Variants in SCHIP1 observed in about 807,000 individuals in gnomAD.
The protein encoded by SCHIP1 is schwannomin-interacting protein 1.
In SCHIP1, 8 loss-of-function variants were observed where a neutral mutation model predicts 29.7. That is an observed-to-expected ratio of 0.27 (90% CI 0.16 to 0.49). The LOEUF (loss-of-function observed/expected upper bound fraction) is 0.49, where lower values mean the gene tolerates loss of function less well. Among genes scored for constraint, SCHIP1 ranks in the 20% least tolerant of loss-of-function variants. SCHIP1 has a pLI of 0.99. For missense variants in SCHIP1, 193 were observed against 294.6 expected, an observed-to-expected ratio of 0.66 and a Z score of 2.52; for synonymous variants, 76 against 94.9, an observed-to-expected ratio of 0.80 and a Z score of 1.16.
the SCHIP1 span, among the ~76,000 whole-genome samples, chr3:159,813,879 A>C: frequency 6.6e-6 from 1 of 152,214 alleles, no homozygotes; most frequent in Non-Finnish European, 1.5e-5. Flanking sequence ...GCTAGGGTTA[A>C]TATAATGGAG....
chr3:159,831,272 T>G, the SCHIP1 span, among the ~76,000 whole-genome samples: 1 of 152,184 alleles, frequency 6.6e-6, no homozygotes, highest in Non-Finnish European at 1.5e-5. Flanking sequence ...CTTTAGTCTT[T>G]TCATCCCTTT....
chr3:159,856,332 T>C (rs1713362849), intron 1 of SCHIP1, among the ~76,000 whole-genome samples: 1 of 152,146 alleles, frequency 6.6e-6, no homozygotes, highest in Non-Finnish European at 1.5e-5. Context: ...AGGAACAAAC[T>C]ACATGGAACT....
At chr3:159,781,814 C>T in the SCHIP1 span, among the ~76,000 whole-genome samples, 1 of 152,140 alleles carries the variant, frequency 6.6e-6, no homozygotes, top group African/African-American at 2.4e-5. Context: ...ACTTGTCATC[C>T]CTTCCCAGGA....
At chr3:159,510,918 G>C in the SCHIP1 span, among the ~76,000 whole-genome samples, 1 of 152,234 alleles carries the variant, frequency 6.6e-6, no homozygotes, top group East Asian at 1.9e-4. Context: ...AGGGGTCAGT[G>C]ACCCACTTGA....
chr3:159,449,459 A>C, the SCHIP1 span, among the ~76,000 whole-genome samples: 1 of 152,324 alleles, frequency 6.6e-6, no homozygotes, highest in South Asian at 2.1e-4. Flanking sequence ...GAGGCTCAGG[A>C]TTCCAATAGG....
chr3:159,844,745 T>C (rs1711556954), intron 1 of SCHIP1, among the ~76,000 whole-genome samples: 1 of 152,240 alleles, frequency 6.6e-6, no homozygotes, highest in Non-Finnish European at 1.5e-5. Context: ...TTTCCCTCTT[T>C]CCTGGAGTGG....
chr3:159,431,476 T>A, the SCHIP1 span, among the ~76,000 whole-genome samples: 1 of 152,120 alleles, frequency 6.6e-6, no homozygotes, highest in Admixed American at 6.5e-5. Context: ...GGTGTTTATA[T>A]GTTTGTAAGC....
the SCHIP1 span, among the ~76,000 whole-genome samples, chr3:159,452,547 T>A: frequency 1.3e-4 from 20 of 152,346 alleles, no homozygotes; most frequent in South Asian, 1.0e-3. Context: ...ATCCAGCCTA[T>A]CATTGATGGG....
chr3:159,648,834 T>C, the SCHIP1 span, among the ~76,000 whole-genome samples: 4 of 152,036 alleles, frequency 2.6e-5, no homozygotes, highest in Admixed American at 6.6e-5. Flanking sequence ...CAAGTAACAC[T>C]GTTCACGGCC....
At chr3:159,713,642 C>T in the SCHIP1 span, among the ~76,000 whole-genome samples, 1 of 152,200 alleles carries the variant, frequency 6.6e-6, no homozygotes, top group Non-Finnish European at 1.5e-5. Context: ...GAAGTTGAAT[C>T]TGCTAGAAGC....
At chr3:159,692,861 T>C in the SCHIP1 span, among the ~76,000 whole-genome samples, 3 of 152,224 alleles carry the variant, frequency 2.0e-5, no homozygotes, top group Non-Finnish European at 2.9e-5. Context: ...AAATATTTGT[T>C]GGAACGAAAT....
chr3:159,604,903 C>A, the SCHIP1 span, among the ~76,000 whole-genome samples: 5,770 of 152,270 alleles, frequency 0.038, 269 homozygotes, highest in East Asian at 0.17. Context: ...TCAGCCATAA[C>A]CTCACGCCAC....
chr3:159,646,186 A>T, the SCHIP1 span, among the ~76,000 whole-genome samples: 26 of 152,046 alleles, frequency 1.7e-4, no homozygotes, highest in Admixed American at 1.7e-3. Context: ...GCATCTCACC[A>T]CTCTCCACCT....
At chr3:159,601,268 T>C in the SCHIP1 span, among the ~76,000 whole-genome samples, 1 of 152,092 alleles carries the variant, frequency 6.6e-6, no homozygotes, top group African/African-American at 2.4e-5. Flanking sequence ...TCTTGAGTGG[T>C]ATGGGCTGGT....
rs10661642 is a variant in SCHIP1 at position 159,884,349 on chromosome 3, C to CTGTGTGTGTG, written c.150-1826_150-1817dup. On this transcript the variant is annotated intron_variant, in intron 2 of 6. Transcript: ENST00000445224. ...AAAAAATATATATGTGTGTCTGTGT[C>CTGTGTGTGTG]TGTGTGTGTGTGTGTGTGTGTGTGT... Among the ~76,000 whole-genome samples the CTGTGTGTGTG allele has an allele frequency of 5.2e-3, 736 of 140,632 alleles. 4 individuals carry two copies. Among genetic ancestry groups the CTGTGTGTGTG allele is most frequent in the African/African-American group, 0.01 (385 of 37,706 alleles). 92.3% of individuals were successfully genotyped at this position (140,632 alleles called of 152,430 possible).
chr3:159,671,100 T>C, the SCHIP1 span, among the ~76,000 whole-genome samples: 1 of 152,148 alleles, frequency 6.6e-6, no homozygotes, highest in Admixed American at 6.5e-5. Flanking sequence ...ACAGAGCAGG[T>C]GGTCCTGAGC....
chr3:159,828,406 T>C, the SCHIP1 span, among the ~76,000 whole-genome samples: 3 of 54,018 alleles, frequency 5.6e-5, no homozygotes, highest in South Asian at 6.2e-4. Flanking sequence ...CGTATATATA[T>C]ACGTATATAT....
the SCHIP1 span, among the ~76,000 whole-genome samples, chr3:159,807,926 C>T: frequency 1.3e-5 from 2 of 152,156 alleles, no homozygotes; most frequent in African/African-American, 4.8e-5. Flanking sequence ...TGCAGTGTGC[C>T]CAAAGCATAG....
the SCHIP1 span, among the ~76,000 whole-genome samples, chr3:159,748,631 T>C: frequency 6.6e-6 from 1 of 152,160 alleles, no homozygotes; most frequent in South Asian, 2.1e-4. Flanking sequence ...ATACTAATGC[T>C]CAGGATGAAG....
Sources: allele counts gnomAD v4.1 joint callset (sites outside exome capture counted in the v4.1 genomes callset), GRCh38; gene constraint gnomAD v4.1.1; transcripts MANE v1.5; gene names NCBI Gene and HGNC (gene_info 2026-07-23, HGNC 2026-07-21).